FAM114A1: variants seen among roughly 807,000 people sequenced by gnomAD.
FAM114A1 encodes the protein family with sequence similarity 114 member A1, also known as protein NOXP20.
In FAM114A1, 62 loss-of-function variants were observed where a neutral mutation model predicts 64.3. The ratio of observed to expected loss-of-function variants is 0.96; its 90% CI spans 0.79 to 1.19. The LOEUF (loss-of-function observed/expected upper bound fraction) is 1.19. Among genes scored for constraint, FAM114A1 ranks in the 50% most tolerant of loss-of-function variants. The pLI is 0.00. For synonymous variants in FAM114A1, 254 were observed against 251.1 expected, an observed-to-expected ratio of 1.01 and a Z score of -0.11; for missense variants, 645 against 676.3, an observed-to-expected ratio of 0.95 and a Z score of 0.51.
chr4:38,925,066 G>A (rs1459842570), intron 9 of FAM114A1, among the ~76,000 whole-genome samples: 1 of 152,208 alleles, frequency 6.6e-6, no homozygotes, highest in East Asian at 1.9e-4. Flanking sequence ...ATGTGTTCTA[G>A]TCTTAGTGTA....
intron 4 of FAM114A1, among the ~76,000 whole-genome samples, chr4:38,902,860 G>A (rs1717641685): frequency 6.6e-6 from 1 of 152,006 alleles, no homozygotes; most frequent in African/African-American, 2.4e-5. Context: ...AGGCAACAGT[G>A]ACTTCATATT....
chr4:38,932,323 A>T lies in FAM114A1; in HGVS notation c.1412A>T (p.His471Leu), dbSNP rs778050491. 6.2e-7 allele frequency: 1 copy of T among 1,613,378 alleles called. No homozygotes were observed. Among genetic ancestry groups the T allele is most frequent in the Non-Finnish European group, 8.5e-7 (1 of 1,179,850 alleles). The stretch of plus-strand genomic sequence containing the variant: ...CATAAAGTAGCAGAATTAATTCTTC[A>T]TGGACAAGAAGAGGAAAAACCAGCT... ...QLHKVAELIL[H>L]GQEEEKPAQD... Residue 471 changes from histidine (H) to leucine (L), a missense_variant, in exon 12 of 15, where the codon CAT becomes CTT. Transcript: ENST00000358869.
chr4:38,925,180 T>C lies in FAM114A1; in HGVS notation c.1069+2287T>C, dbSNP rs578078043. 2.0e-4 allele frequency among the ~76,000 whole-genome samples: 31 copies of C among 152,340 alleles called. No individual in the cohort carries two copies. In the East Asian group the frequency reaches 5.4e-3, roughly 27 times the overall value. On this transcript the variant is annotated intron_variant, in intron 9 of 14. Transcript: ENST00000358869. The stretch of plus-strand genomic sequence containing the variant: ...TTAGCAATGGTAGGTTTGCCTCGCC[T>C]TAATTTGACAAAACCCTGTTATCTC...
intron 4 of FAM114A1, among the ~76,000 whole-genome samples, chr4:38,902,108 A>G (rs1039395818): frequency 6.6e-6 from 1 of 152,244 alleles, no homozygotes; most frequent in Non-Finnish European, 1.5e-5. Flanking sequence ...TGTGGGTTCT[A>G]GAGTCAGAAG....
intron 10 of FAM114A1, among the ~76,000 whole-genome samples, chr4:38,931,166 T>A (rs1720595819): frequency 1.3e-5 from 2 of 152,260 alleles, no homozygotes; most frequent in African/African-American, 4.8e-5. Flanking sequence ...ACTGTCATTT[T>A]TATTCTTATC....
At chr4:38,940,382 GA>G (rs11327672) in intron 13 of FAM114A1, among the ~76,000 whole-genome samples, 96,741 of 150,982 alleles carry the variant, frequency 0.64, 31,435 homozygotes, top group African/African-American at 0.73. Context: ...AAGAAAGAAA[GA>G]AAAAAAAAGG....
intron 4 of FAM114A1, 70 bp from the exon 5 acceptor site, chr4:38,905,452 A>G: frequency 8.9e-7 from 1 of 1,128,722 alleles, no homozygotes; most frequent in African/African-American, 1.6e-5. Flanking sequence ...CAGCTTTGTA[A>G]GATTTGGTGG....
intron 3 of FAM114A1, among the ~76,000 whole-genome samples, chr4:38,888,336 A>G (rs1268002898): frequency 6.6e-6 from 1 of 152,100 alleles, no homozygotes; most frequent in Non-Finnish European, 1.5e-5. Flanking sequence ...TGGGCAACAT[A>G]GTGAGATCCT....
intron 2 of FAM114A1, among the ~76,000 whole-genome samples, chr4:38,876,585 T>C (rs1714665699): frequency 6.6e-6 from 1 of 152,254 alleles, no homozygotes; most frequent in African/African-American, 2.4e-5. Context: ...TCATGCCAAG[T>C]AAGAGCTCCA....
At chr4:38,936,241 C>T (rs1231833326) in intron 13 of FAM114A1, among the ~76,000 whole-genome samples, 18 of 151,626 alleles carry the variant, frequency 1.2e-4, no homozygotes, top group East Asian at 1.9e-4. Context: ...TACAGGCGCC[C>T]GCCACCACAC....
intron 4 of FAM114A1, 81 bp downstream of exon 4, chr4:38,891,911 A>G (rs1716446946): frequency 7.8e-7 from 1 of 1,290,198 alleles, no homozygotes; most frequent in Non-Finnish European, 1.1e-6. Context: ...CTGTATACTA[A>G]TAGAGTTTAA....
At chr4:38,915,149 G>T (rs1718923667) in intron 8 of FAM114A1, 76 bp downstream of exon 8, 1 of 1,547,852 alleles carries the variant, frequency 6.5e-7, no homozygotes. Context: ...TGGAAAATCT[G>T]CCATTAAAAG....
At chr4:38,890,189 G>A (rs887057500) in intron 3 of FAM114A1, among the ~76,000 whole-genome samples, 4 of 152,082 alleles carry the variant, frequency 2.6e-5, no homozygotes, top group African/African-American at 9.7e-5. Context: ...CGGATCATGA[G>A]GTCAAGAGAT....
At position 38,914,933 on chromosome 4, in the gene FAM114A1, G is replaced by A. The variant is rs1270115603; in HGVS notation, c.805G>A (p.Ala269Thr). Residue 269 changes from alanine (A) to threonine (T), a missense_variant, in exon 8 of 15, where the codon GCT (alanine) becomes ACT (threonine). Ala to Thr is a moderately conservative substitution (Grantham distance 58, BLOSUM62 0). Coordinates refer to ENST00000358869, the MANE Select transcript of FAM114A1 (RefSeq NM_138389.4). ...TGTATTTCTGCAGATGTTAAGGGAA[G>A]CTAAGGAGAAGGAGAAGCAGAGACT... Reference protein sequence around the residue: ...TVSLSQMLREAKEKEKQRLAQ... With the variant: ...TVSLSQMLRETKEKEKQRLAQ... 5.0e-6 allele frequency: 8 copies of A among 1,613,876 alleles called. No homozygotes were observed. Among genetic ancestry groups the A allele is most frequent in the African/African-American group, 4.0e-5 (3 of 74,890 alleles).
intron 8 of FAM114A1, among the ~76,000 whole-genome samples, chr4:38,916,097 T>C (rs950731067): frequency 6.6e-6 from 1 of 152,216 alleles, no homozygotes; most frequent in Non-Finnish European, 1.5e-5. Flanking sequence ...GTTTGGACTT[T>C]GAGCCATTCT....
rs765030236 is a variant in FAM114A1, at chr4:38,940,985, G to A, written c.1554G>A (p.Glu518=). The stretch of plus-strand genomic sequence containing the variant: ...TTCCACAGAGCAACAAGAAGGCCGA[G>A]GTCCTTAACCCCATGATCAGTAGTG... ...LTTVGSNKKA[E]VLNPMISSVL... Residue 518 remains glutamate, a synonymous_variant, in exon 14 of 15, where the codon GAG becomes GAA. Transcript: ENST00000358869. 2 of 1,614,054 alleles carry A rather than the reference G, an allele frequency of 1.2e-6. No individual in the cohort carries two copies. Among genetic ancestry groups the A allele is most frequent in the Non-Finnish European group, 1.7e-6 (2 of 1,179,970 alleles).
chr4:38,923,762 C>T (rs1478769965), intron 9 of FAM114A1, among the ~76,000 whole-genome samples: 1 of 152,182 alleles, frequency 6.6e-6, no homozygotes, highest in African/African-American at 2.4e-5. Context: ...TTGGCAACCA[C>T]ACTTCCCAAT....
intron 8 of FAM114A1, among the ~76,000 whole-genome samples, chr4:38,919,917 C>G (rs1265822176): frequency 1.3e-5 from 2 of 152,036 alleles, no homozygotes; most frequent in African/African-American, 4.8e-5. Context: ...TAAAGAGAAA[C>G]TAATCATTTT....
At position 38,935,713 on chromosome 4, in the gene FAM114A1, T is replaced by C. The variant is rs1384806798; in HGVS notation, c.1464-5T>C. 7.6e-6 allele frequency: 12 copies of C among 1,572,722 alleles called. No homozygotes were observed. The highest frequency in any genetic ancestry group is 1.0e-5 in the Non-Finnish European group (12 of 1,165,044). On this transcript the variant is annotated splice_polypyrimidine_tract_variant and splice_region_variant and intron_variant, in intron 12 of 14. Coordinates refer to ENST00000358869, the MANE Select transcript of FAM114A1 (RefSeq NM_138389.4). Reference sequence around the variant, plus strand: ...ATCCAAGCTTTTTTTTTTTTCTTCTTTCAGATTAACTACTGCAATGTGCAA... The same window carrying C: ...ATCCAAGCTTTTTTTTTTTTCTTCTCTCAGATTAACTACTGCAATGTGCAA...
Sources: allele counts gnomAD v4.1 joint callset (sites outside exome capture counted in the v4.1 genomes callset), GRCh38; gene constraint gnomAD v4.1.1; transcripts MANE v1.5; gene names NCBI Gene and HGNC (gene_info 2026-07-23, HGNC 2026-07-21).